The following CRTAC1 variants were observed in gnomAD, a reference collection of about 807,000 sequenced individuals.
CRTAC1 encodes the protein acidic secreted protein in cartilage.
Under a neutral mutation model 67.8 loss-of-function variants are expected in CRTAC1, and 37 were observed. That is an observed-to-expected ratio of 0.55 (90% confidence interval 0.42 to 0.72). The LOEUF (loss-of-function observed/expected upper bound fraction) is 0.72. Ranked by LOEUF, CRTAC1 falls within the 30% of genes least tolerant of loss-of-function variation. CRTAC1 has a pLI of 0.00. For missense variants in CRTAC1, 780 were observed against 931.6 expected, an observed-to-expected ratio of 0.84 and a Z score of 2.12; for synonymous variants, 348 against 371.0, an observed-to-expected ratio of 0.94 and a Z score of 0.71.
At chr10:98,026,642 C>A (rs539845117) in intron 1 of CRTAC1, among the ~76,000 whole-genome samples, 1 of 152,266 alleles carries the variant, frequency 6.6e-6, no homozygotes, top group African/African-American at 2.4e-5. Flanking sequence ...TCCCTCCTCC[C>A]GCTGAAGATG....
At chr10:97,928,275 C>G (rs2050952087) in intron 3 of CRTAC1, among the ~76,000 whole-genome samples, 1 of 152,130 alleles carries the variant, frequency 6.6e-6, no homozygotes, top group African/African-American at 2.4e-5. Flanking sequence ...AGGTGAGGCT[C>G]AGGTGCCCAC....
chr10:97,980,194 G>T (rs559476642), intron 2 of CRTAC1, among the ~76,000 whole-genome samples: 3 of 152,350 alleles, frequency 2.0e-5, no homozygotes, highest in South Asian at 2.1e-4. Context: ...CATGTAAAGT[G>T]CTCAGGGCAA....
chr10:97,914,912 C>G (rs973805410), intron 5 of CRTAC1, among the ~76,000 whole-genome samples: 2 of 152,162 alleles, frequency 1.3e-5, no homozygotes, highest in Non-Finnish European at 2.9e-5. Context: ...CCCCCGAGAG[C>G]TGGCATGGTG....
intron 2 of CRTAC1, among the ~76,000 whole-genome samples, chr10:97,983,525 T>G (rs2051931903): frequency 6.8e-6 from 1 of 148,096 alleles, no homozygotes; most frequent in Non-Finnish European, 1.5e-5. Context: ...GGTTGTGCTC[T>G]TTTGATCACA....
chr10:97,969,160 C>CT (rs1180913750), intron 2 of CRTAC1, among the ~76,000 whole-genome samples: 1 of 152,124 alleles, frequency 6.6e-6, no homozygotes, highest in Non-Finnish European at 1.5e-5. Context: ...TGATAGGCAC[C>CT]TTTTTTGGCC....
intron 1 of CRTAC1, 78 bp from the exon 2 acceptor site, chr10:98,011,415 C>G (rs1221993811): frequency 6.4e-7 from 1 of 1,554,204 alleles, no homozygotes; most frequent in Non-Finnish European, 8.8e-7. Context: ...CCTGGGTAGG[C>G]CCAGAGTGCC....
intron 11 of CRTAC1, among the ~76,000 whole-genome samples, chr10:97,891,511 G>A (rs1400617322): frequency 3.3e-5 from 5 of 152,234 alleles, no homozygotes; most frequent in Middle Eastern, 3.2e-3. Flanking sequence ...TCATGGCCAC[G>A]GGGCCAGTAT....
Position 97,865,521 on chromosome 10 carries a change from A to G in CRTAC1, c.*27T>C, listed in dbSNP as rs2050009581. 1.3e-6 allele frequency: 2 copies of G among 1,584,552 alleles called. No homozygotes were observed. Among genetic ancestry groups the G allele is most frequent in the Non-Finnish European group, 1.7e-6 (2 of 1,160,460 alleles). On this transcript the variant is annotated 3_prime_UTR_variant, in exon 15 of 15. Transcript: ENST00000370597. ...CTTTCCCACTCCCCTGCTGGACTCC[A>G]TCCGCTGGTTCATGTCCCACCCCTG...
At chr10:98,010,130 C>T (rs1338781491) in intron 2 of CRTAC1, among the ~76,000 whole-genome samples, 1 of 151,848 alleles carries the variant, frequency 6.6e-6, no homozygotes, top group Non-Finnish European at 1.5e-5. Context: ...ACCTCCGCCT[C>T]CTGGGTTCAA....
intron 2 of CRTAC1, among the ~76,000 whole-genome samples, chr10:97,950,177 G>A (rs1242245074): frequency 2.0e-5 from 3 of 150,414 alleles, no homozygotes; most frequent in African/African-American, 7.4e-5. Flanking sequence ...TTACCCCAAG[G>A]TCAAACGAGA....
rs2051780539 is a variant in CRTAC1, at chr10:97,975,248, G to A, written c.224+35890C>T. The stretch of plus-strand genomic sequence containing the variant: ...CTTGGCTCAATCCCAGGTCGCAGAG[G>A]GACCCGGGGCCCGGCTGACTGATGC... On this transcript the variant is annotated intron_variant, in intron 2 of 14. Coordinates refer to ENST00000370597, the MANE Select transcript of CRTAC1 (RefSeq NM_018058.7). The surrounding 1 kb of genome is among the most constrained non-coding windows in gnomAD (Gnocchi z 4.8). 6.6e-6 allele frequency among the ~76,000 whole-genome samples: 1 copy of A among 152,142 alleles called. No homozygotes were observed. Among genetic ancestry groups the A allele is most frequent in the Non-Finnish European group, 1.5e-5 (1 of 68,022 alleles).
At chr10:97,974,159 G>A (rs1047736710) in intron 2 of CRTAC1, among the ~76,000 whole-genome samples, 1 of 152,076 alleles carries the variant, frequency 6.6e-6, no homozygotes, top group African/African-American at 2.4e-5. Flanking sequence ...GGGAGGAGGC[G>A]TTTTCTCTTA....
chr10:98,000,458 C>T (rs149600423), intron 2 of CRTAC1, among the ~76,000 whole-genome samples: 4 of 152,334 alleles, frequency 2.6e-5, no homozygotes, highest in East Asian at 1.9e-4. Flanking sequence ...TGGAGCTGCC[C>T]GCTCTGCAGT....
At chr10:98,011,466 G>T in intron 1 of CRTAC1, 129 bp from the exon 2 acceptor site, 1 of 1,053,974 alleles carries the variant, frequency 9.5e-7, no homozygotes, top group South Asian at 1.6e-5. Context: ...TGCCTAGGCT[G>T]CTGGCTTTCC....
intron 2 of CRTAC1, among the ~76,000 whole-genome samples, chr10:97,948,398 G>A (rs2051298049): frequency 6.6e-6 from 1 of 152,220 alleles, no homozygotes; most frequent in Non-Finnish European, 1.5e-5. Flanking sequence ...GTGCATGGGA[G>A]TGGATGGGGC....
intron 2 of CRTAC1, among the ~76,000 whole-genome samples, chr10:97,970,634 A>C (rs2051693381): frequency 6.6e-6 from 1 of 151,596 alleles, no homozygotes; most frequent in Admixed American, 6.6e-5. Context: ...CCTGACACTC[A>C]CTCCTGACAC....
At chr10:98,020,479 G>T (rs993986010) in intron 1 of CRTAC1, among the ~76,000 whole-genome samples, 1 of 152,238 alleles carries the variant, frequency 6.6e-6, no homozygotes, top group Non-Finnish European at 1.5e-5. Context: ...CACACAGCTA[G>T]TACCTGGTGG....
chr10:97,876,164 A>T (rs539547326), intron 14 of CRTAC1, among the ~76,000 whole-genome samples: 2 of 152,118 alleles, frequency 1.3e-5, no homozygotes, highest in Non-Finnish European at 2.9e-5. Flanking sequence ...ACCATCCCAA[A>T]TGAAGAAGGG....
At chr10:97,999,488 G>A (rs1388360335) in intron 2 of CRTAC1, among the ~76,000 whole-genome samples, 1 of 152,234 alleles carries the variant, frequency 6.6e-6, no homozygotes, top group Non-Finnish European at 1.5e-5. Flanking sequence ...CTGGACTTTG[G>A]GTGCCAATGA....
Sources: gnomAD v4.1 joint callset for allele counts (sites outside exome capture counted in the v4.1 genomes callset) on GRCh38, gnomAD v4.1.1 for gene constraint, Gnocchi (gnomAD v3.1) non-coding constraint, MANE v1.5 for transcripts, NCBI Gene and HGNC (gene_info 2026-07-23, HGNC 2026-07-21) for gene names.